CDAN1: variants seen among roughly 807,000 people sequenced by gnomAD.
CDAN1 encodes codanin-1.
A neutral mutation model predicts 139.8 loss-of-function variants in CDAN1; 107 were observed. That is an observed-to-expected ratio of 0.77 (90% CI 0.65 to 0.90). CDAN1 has a LOEUF of 0.90. CDAN1 is among the 40% of genes least tolerant of loss of function. The probability of loss-of-function intolerance (pLI) is 0.00; values close to 1 mark genes in which losing one functional copy is unlikely to be tolerated. For missense variants in CDAN1, 1,667 were observed against 1,575.7 expected (o/e 1.06, Z -0.98); for synonymous variants, 776 against 660.6 (o/e 1.17, Z -2.68).
chr15:42,732,466 T>G, intron 9 of CDAN1, 58 bp from the exon 10 acceptor site: 3 of 1,518,456 alleles, frequency 2.0e-6, no homozygotes, highest in Non-Finnish European at 2.7e-6. Flanking sequence ...GAGAAAGATC[T>G]GAGAGAAGCA....
Position 42,729,309 on chromosome 15 carries a change from C to T in CDAN1, c.2461G>A (p.Gly821Arg). ...GGGGTGATTTTCCTCATGAAGCCCC[C>T]ACTCCGTCCACTACTGCCTGACACC... is the stretch of plus-strand genomic sequence containing the variant. ...SWVSGSSGRS[G>R]GFMRKITPTT... Residue 821 changes from glycine (G) to arginine (R), a missense_variant, in exon 18 of 28, where the codon GGG (glycine) becomes AGG (arginine). Physicochemically the swap from Gly to Arg is moderately radical, Grantham distance 125. Coordinates refer to ENST00000356231, the MANE Select transcript of CDAN1 (RefSeq NM_138477.4). 1 of 1,614,076 alleles carries T rather than the reference C, an allele frequency of 6.2e-7. No individual in the cohort carries two copies. Among genetic ancestry groups the T allele is most frequent in the South Asian group, 1.1e-5 (1 of 91,070 alleles).
At chr15:42,734,151 G>A in intron 7 of CDAN1, 75 bp downstream of exon 7, 1 of 1,609,706 alleles carries the variant, frequency 6.2e-7, no homozygotes, top group South Asian at 1.1e-5. Flanking sequence ...AGTGTCGTCA[G>A]CAGGGTTGCC....
At chr15:42,732,210 T>C in intron 10 of CDAN1, 123 bp downstream of exon 10, 1 of 954,618 alleles carries the variant, frequency 1.0e-6, no homozygotes, top group Admixed American at 1.8e-5. Flanking sequence ...GGAGTAGAAC[T>C]CTTGTTCAAA....
chr15:42,728,323 A>G, intron 20 of CDAN1, 56 bp from the exon 21 acceptor site: 1 of 1,576,230 alleles, frequency 6.3e-7, no homozygotes, highest in South Asian at 1.1e-5. Context: ...TGGCTGCAGA[A>G]GTAAATGCCC....
At position 42,735,576 on chromosome 15, in the gene CDAN1, G is replaced by A; in HGVS notation, c.877C>T (p.Pro293Ser). The A allele has an allele frequency of 6.2e-7, 1 of 1,614,228 alleles. No individual in the cohort carries two copies. The highest frequency in any genetic ancestry group is 8.5e-7 in the Non-Finnish European group (1 of 1,180,044). ...TGSLTDEPAD[P>S]ARVSSRQRLE... is the part of the protein sequence containing the mutation. ...CGCTGGCGGGAAGACACTCTGGCAG[G>A]GTCTGCAGGTTCATCTGTGAGGCTT... The change falls in exon 4 of 28, where the codon CCT (proline) becomes TCT (serine). Residue 293 changes from proline to serine, a missense_variant. Physicochemically the swap from Pro to Ser is moderately conservative, Grantham distance 74. Transcript: ENST00000356231.
intron 12 of CDAN1, 40 bp downstream of exon 12, chr15:42,731,171 T>C (rs985930018): frequency 4.3e-6 from 7 of 1,614,220 alleles, no homozygotes; most frequent in Non-Finnish European, 5.1e-6. Context: ...CCTTCCCTCC[T>C]GGGTCAGACC....
rs1303213508 is a variant in CDAN1, at chr15:42,733,967, G to C, written c.1338C>G (p.Asp446Glu). ...GTTTCTTAAAAGTATGAAAGGCTCG[G>C]TCACTGGAGAAGTTGGCACGATTGT... ...ETDNRANFSS[D>E]RAFHTFKKQR... The change falls in exon 8 of 28, where the codon GAC (aspartate) becomes GAG (glutamate). Residue 446 changes from aspartate (D) to glutamate (E), a missense_variant. Coordinates refer to ENST00000356231, the MANE Select transcript of CDAN1 (RefSeq NM_138477.4). 6.2e-7 allele frequency: 1 copy of C among 1,613,898 alleles called. No individual in the cohort carries two copies. Among genetic ancestry groups the C allele is most frequent in the Non-Finnish European group, 8.5e-7 (1 of 1,179,798 alleles).
intron 27 of CDAN1, 167 bp downstream of exon 27, chr15:42,724,977 C>T: frequency 1.4e-6 from 1 of 704,684 alleles, no homozygotes; most frequent in East Asian, 2.7e-5. Flanking sequence ...TTCCCACTAA[C>T]ACAGTCCCTC....
Position 42,737,020 on chromosome 15 carries a change from C to A in CDAN1, c.83G>T (p.Gly28Val). 1.3e-6 allele frequency: 2 copies of A among 1,547,860 alleles called. No homozygotes were observed. The highest frequency in any genetic ancestry group is 4.9e-5 in the East Asian group (2 of 40,854). Reference sequence around the variant, plus strand: ...GCGTGTCACCGCTGTTACCTCCGAACCCTGGGTGCTGCGCGCGATCCACCG... The same window carrying A: ...GCGTGTCACCGCTGTTACCTCCGAAACCTGGGTGCTGCGCGCGATCCACCG... ...VVRWIARSTQGSEDNAGEAAA... is the reference protein window; with the variant it reads ...VVRWIARSTQVSEDNAGEAAA... Residue 28 changes from glycine (G) to valine (V), a missense_variant, in exon 1 of 28, where the codon GGT becomes GTT. Physicochemically the swap from Gly to Val is moderately radical, Grantham distance 109. Coordinates refer to ENST00000356231, the MANE Select transcript of CDAN1 (RefSeq NM_138477.4).
In CDAN1 at chr15:42,735,605, G is replaced by C. The variant is rs1168958842; in HGVS notation, c.848C>G (p.Thr283Arg). The change falls in exon 4 of 28, where the codon ACA becomes AGA. Residue 283 changes from threonine to arginine, a missense_variant. Around this residue, in one of 3 missense-constraint regions of CDAN1, gnomAD observed 487 missense variants for 422.2 expected, o/e 1.15. Transcript: ENST00000356231. Reference sequence around the variant, plus strand: ...TGCAGGTTCATCTGTGAGGCTTCCTGTCCGGCTGGGGAGGGGCGACCCCAA... The same window carrying C: ...TGCAGGTTCATCTGTGAGGCTTCCTCTCCGGCTGGGGAGGGGCGACCCCAA... ...PELGSPLPSR[T>R]GSLTDEPADP... The C allele has an allele frequency of 8.1e-6, 13 of 1,614,128 alleles. No individual in the cohort carries two copies. Among genetic ancestry groups the C allele is most frequent in the Non-Finnish European group, 8.5e-6 (10 of 1,180,054 alleles).
chr15:42,728,854 C>T (rs377408193), intron 19 of CDAN1, 44 bp from the exon 20 acceptor site: 42 of 1,612,834 alleles, frequency 2.6e-5, no homozygotes, highest in Middle Eastern at 1.6e-4. Context: ...GAGGGTTAAT[C>T]GGAAAGAGGC....
rs2061508431 is a variant in CDAN1 at position 42,725,248 on chromosome 15, C to A, written c.3454G>T (p.Asp1152Tyr). 3 of 1,614,062 alleles carry A rather than the reference C, an allele frequency of 1.9e-6. No homozygotes were observed. The highest frequency in any genetic ancestry group is 2.5e-6 in the Non-Finnish European group (3 of 1,179,910). Reference protein sequence around the residue: ...LLADTRPREWDLLLFLLRELV... With the variant: ...LLADTRPREWYLLLFLLRELV... The stretch of plus-strand genomic sequence containing the variant: ...TCCCGTAGCAAGAATAGCAGCAAGT[C>A]CCACTGCAAAACACACCGAGGTCAG... The change falls in exon 27 of 28, where the codon GAC becomes TAC. Residue 1152 changes from aspartate (D) to tyrosine (Y), a missense_variant. Coordinates refer to ENST00000356231, the MANE Select transcript of CDAN1 (RefSeq NM_138477.4).
At chr15:42,731,360 G>A (rs1314327327) in intron 11 of CDAN1, 29 bp from the exon 12 acceptor site, 1 of 1,612,296 alleles carries the variant, frequency 6.2e-7, no homozygotes, top group Non-Finnish European at 8.5e-7. Context: ...TGGGGCATAA[G>A]CACTGGAAGA....
At position 42,736,344 on chromosome 15, in the gene CDAN1, T is replaced by A. The variant is rs373153188; in HGVS notation, c.527A>T (p.Glu176Val). 2.4e-5 allele frequency: 39 copies of A among 1,613,780 alleles called. No homozygotes were observed. The highest frequency in any genetic ancestry group is 6.7e-5 in the Admixed American group (4 of 60,006). The change falls in exon 2 of 28, where the codon GAG becomes GTG. Residue 176 changes from glutamate (E) to valine (V), a missense_variant. Physicochemically the swap from Glu to Val is moderately radical, Grantham distance 121. Around this residue, in one of 3 missense-constraint regions of CDAN1, gnomAD observed 487 missense variants for 422.2 expected, o/e 1.15. Coordinates refer to ENST00000356231, the MANE Select transcript of CDAN1 (RefSeq NM_138477.4). ...AACCGAGCCTACGGGAGGGAACTCC[T>A]CCAGGTTGCTGAGGTTTGGCGGATC... is the stretch of plus-strand genomic sequence containing the variant. ...LSDPPNLSNL[E>V]EFPPVGSVPP...
Position 42,731,264 on chromosome 15 carries a change from G to C in CDAN1, c.1807C>G (p.Leu603Val), listed in dbSNP as rs2061607448. The change falls in exon 12 of 28, where the codon CTG (leucine) becomes GTG (valine). Residue 603 changes from leucine to valine, a missense_variant. Around this residue, in one of 3 missense-constraint regions of CDAN1, gnomAD observed 936 missense variants for 844.1 expected, o/e 1.11. Coordinates refer to ENST00000356231, the MANE Select transcript of CDAN1 (RefSeq NM_138477.4). ...LKIQELNGLA[L>V]PQHEPNDEDG... ...TCATCATTGGGCTCATGCTGGGGCA[G>C]GGCAAGACCATTGAGCTCCTGGATC... 1.2e-6 allele frequency: 2 copies of C among 1,614,046 alleles called. No individual in the cohort carries two copies. The highest frequency in any genetic ancestry group is 2.2e-5 in the South Asian group (2 of 91,078).
intron 23 of CDAN1, 118 bp from the exon 24 acceptor site, chr15:42,726,535 G>T: frequency 2.5e-6 from 2 of 787,846 alleles, no homozygotes; most frequent in South Asian, 1.6e-5. Context: ...CCGGGATATG[G>T]TGAGTAAAGC....
rs758267782 is a variant in CDAN1, at chr15:42,735,386, C to A, written c.944-12G>T. ...TGGTACCAGGTTCTCTAGATAGATA[C>A]AAAAAGAAAGCCCATGGTATGGGCA... On this transcript the variant is annotated splice_polypyrimidine_tract_variant and intron_variant, in intron 4 of 27. Transcript: ENST00000356231. 2 of 1,597,450 alleles carry A rather than the reference C, an allele frequency of 1.3e-6. No homozygotes were observed. The highest frequency in any genetic ancestry group is 1.7e-6 in the Non-Finnish European group (2 of 1,170,856).
intron 10 of CDAN1, 82 bp from the exon 11 acceptor site, chr15:42,731,907 AT>A (rs1244433298): frequency 7.9e-7 from 1 of 1,263,490 alleles, no homozygotes; most frequent in African/African-American, 1.5e-5. Flanking sequence ...GGAGAAAGTA[AT>A]GAACATTTAA....
intron 19 of CDAN1, 65 bp from the exon 20 acceptor site, chr15:42,728,875 T>G: frequency 1.9e-6 from 3 of 1,609,460 alleles, no homozygotes; most frequent in Non-Finnish European, 2.6e-6. Context: ...TGAAAATTTA[T>G]GGGAATTTGG....
Sources: allele counts gnomAD v4.1 joint callset, GRCh38; gene constraint gnomAD v4.1.1; regional missense constraint gnomAD v4.1.1; transcripts MANE v1.5; gene names NCBI Gene and HGNC (gene_info 2026-07-23, HGNC 2026-07-21).